SLC5A10: variants seen among roughly 807,000 people sequenced by gnomAD.
SLC5A10 encodes the protein sodium/mannose cotransporter SLC5A10.
In SLC5A10, 55 loss-of-function variants were observed where a neutral mutation model predicts 68.9. That is an observed-to-expected ratio of 0.80 (90% CI 0.64 to 1.00). The LOEUF (loss-of-function observed/expected upper bound fraction) is 1.00. SLC5A10 is among the 50% of genes least tolerant of loss of function. The pLI, the probability that SLC5A10 is intolerant of heterozygous loss-of-function variation, is 0.00. For missense variants in SLC5A10, 732 were observed against 819.3 expected, an observed-to-expected ratio of 0.89 and a Z score of 1.30; for synonymous variants, 344 against 344.8, an observed-to-expected ratio of 1.00 and a Z score of 0.02.
intron 9 of SLC5A10, among the ~76,000 whole-genome samples, chr17:19,002,323 A>G (rs1005164218): frequency 6.6e-6 from 1 of 152,188 alleles, no homozygotes; most frequent in Non-Finnish European, 1.5e-5. Flanking sequence ...AGCTGACCCA[A>G]CTGGTCCCCT....
rs765540472 is a variant in SLC5A10 at position 19,019,729 on chromosome 17, T to C, written c.1427T>C (p.Leu476Pro). The C allele has an allele frequency of 6.2e-7, 1 of 1,611,174 alleles. No individual in the cohort carries two copies. Among genetic ancestry groups the C allele is most frequent in the East Asian group, 2.2e-5 (1 of 44,842 alleles). The change falls in exon 13 of 15, where the codon CTG (leucine) becomes CCG (proline). Residue 476 changes from leucine (L) to proline (P), a missense_variant. Physicochemically the swap from Leu to Pro is moderately conservative, Grantham distance 98. Coordinates refer to ENST00000395645, the MANE Select transcript of SLC5A10 (RefSeq NM_001042450.4). ...RANEQGAFWG[L>P]IAGLVVGATR... ...CCTCCCCAGGGGGCCTTCTGGGGCC[T>C]GATAGCAGGGCTGGTGGTGGGGGCC...
At chr17:19,005,167 G>C (rs553548898) in intron 9 of SLC5A10, among the ~76,000 whole-genome samples, 6 of 152,348 alleles carry the variant, frequency 3.9e-5, no homozygotes, top group Admixed American at 1.3e-4. Flanking sequence ...AGGGTACTGG[G>C]CTGGGAGCCC....
rs2042552249 is a variant in SLC5A10 at position 18,958,678 on chromosome 17, G to T, written c.112-4G>T. ...CAACTCCTGTCCCTTTTCTCCTCTT[G>T]CAGTCCTCTTGTCGGGCCAGTAGGA... On this transcript the variant is annotated splice_polypyrimidine_tract_variant and splice_region_variant and intron_variant, in intron 1 of 14. Coordinates refer to ENST00000395645, the MANE Select transcript of SLC5A10 (RefSeq NM_001042450.4). 6.2e-7 allele frequency: 1 copy of T among 1,614,126 alleles called. No homozygotes were observed. Among genetic ancestry groups the T allele is most frequent in the Admixed American group, 1.7e-5 (1 of 60,022 alleles).
At position 19,004,460 on chromosome 17, in the gene SLC5A10, T is replaced by G. The variant is rs731996; in HGVS notation, c.983-8950T>G. Among the ~76,000 whole-genome samples the G allele has an allele frequency of 0.45, 69,004 of 152,026 alleles. 20,213 individuals carry two copies. The highest frequency in any genetic ancestry group is 0.65 in the Non-Finnish European group (44,423 of 67,918). Reference sequence around the variant, plus strand: ...AGTCCTCGCAACTTCTGAGGGAAACTAGGGCAGCCGGGGAACTTCCCAGTA... The same window carrying G: ...AGTCCTCGCAACTTCTGAGGGAAACGAGGGCAGCCGGGGAACTTCCCAGTA... On this transcript the variant is annotated intron_variant, in intron 9 of 14. Transcript: ENST00000395645. This position sits in a 1 kb window ranked among gnomAD's most constrained non-coding sequence, Gnocchi z 5.4.
chr17:18,964,819 G>A (rs544702557), intron 5 of SLC5A10, among the ~76,000 whole-genome samples: 4 of 152,116 alleles, frequency 2.6e-5, no homozygotes, highest in South Asian at 2.1e-4. Flanking sequence ...TCTGCCGGGC[G>A]GGGGTGCACC....
At chr17:18,992,406 A>T (rs1021478252) in intron 9 of SLC5A10, among the ~76,000 whole-genome samples, 2 of 152,238 alleles carry the variant, frequency 1.3e-5, no homozygotes, top group Non-Finnish European at 2.9e-5. Flanking sequence ...CAGTGACCGG[A>T]GCAGCTTGAG....
chr17:18,971,653 G>A lies in SLC5A10; in HGVS notation c.846+435G>A, dbSNP rs769557463. On this transcript the variant is annotated intron_variant, in intron 8 of 14. Coordinates refer to ENST00000395645, the MANE Select transcript of SLC5A10 (RefSeq NM_001042450.4). The surrounding 1 kb of genome is among the most constrained non-coding windows in gnomAD (Gnocchi z 5.5). ...CAGCGTTTCTGGTAGAGCTCTGGAC[G>A]CTGTCAGCAGCAGAGCGGTACCTAG... The A allele has an allele frequency of 6.2e-7, 1 of 1,613,228 alleles. No individual in the cohort carries two copies. The highest frequency in any genetic ancestry group is 8.5e-7 in the Non-Finnish European group (1 of 1,179,800).
At chr17:18,984,509 C>G (rs2152126071) in intron 9 of SLC5A10, among the ~76,000 whole-genome samples, 1 of 152,354 alleles carries the variant, frequency 6.6e-6, no homozygotes, top group African/African-American at 2.4e-5. Flanking sequence ...CAGCGATCCT[C>G]ACTTCCTCAC....
At chr17:18,991,787 A>C (rs1269042814) in intron 9 of SLC5A10, among the ~76,000 whole-genome samples, 3 of 152,196 alleles carry the variant, frequency 2.0e-5, no homozygotes, top group African/African-American at 7.2e-5. Flanking sequence ...CAAGTGAAGG[A>C]GGGAGCCCAG....
chr17:19,020,122 AC>A (rs2044235091), intron 13 of SLC5A10, 32 bp from the exon 14 acceptor site: 3 of 223,356 alleles, frequency 1.3e-5, no homozygotes, highest in Non-Finnish European at 2.3e-5. Flanking sequence ...GCCATCCCCC[AC>A]CCCCAACCCT....
At chr17:18,974,341 AG>A (rs1192361408) in intron 8 of SLC5A10, among the ~76,000 whole-genome samples, 1 of 152,228 alleles carries the variant, frequency 6.6e-6, no homozygotes, top group Admixed American at 6.5e-5. Flanking sequence ...ATCCATGACA[AG>A]TAGGTGGCAT....
intron 9 of SLC5A10, among the ~76,000 whole-genome samples, chr17:19,005,034 C>A (rs1034208400): frequency 6.6e-6 from 1 of 152,226 alleles, no homozygotes; most frequent in African/African-American, 2.4e-5. Context: ...TTGGCACCCC[C>A]CTGTGCCCCC....
chr17:19,003,877 G>T lies in SLC5A10; in HGVS notation c.983-9533G>T, dbSNP rs759885072. On this transcript the variant is annotated intron_variant, in intron 9 of 14. Transcript: ENST00000395645. This position sits in a 1 kb window ranked among gnomAD's most constrained non-coding sequence, Gnocchi z 4.5. ...GCTCCAGCTCCGAGAGGAAGTCTCG[G>T]ATGTTCTCCCGCTTGAGCACCTCGT... 6.2e-7 allele frequency: 1 copy of T among 1,613,058 alleles called. No homozygotes were observed. The highest frequency in any genetic ancestry group is 1.3e-5 in the African/African-American group (1 of 75,040).
upstream of SLC5A10, among the ~76,000 whole-genome samples, chr17:18,951,357 G>A (rs1409160629): frequency 7.9e-6 from 1 of 126,198 alleles, no homozygotes; most frequent in East Asian, 2.2e-4. Context: ...CTGCGTAATG[G>A]CGGATGGCCA....
chr17:18,969,417 T>C lies in SLC5A10; in HGVS notation c.635T>C (p.Ile212Thr). 6.2e-7 allele frequency: 1 copy of C among 1,613,624 alleles called. No individual in the cohort carries two copies. Among genetic ancestry groups the C allele is most frequent in the Non-Finnish European group, 8.5e-7 (1 of 1,179,882 alleles). The change falls in exon 7 of 15, where the codon ATC (isoleucine) becomes ACC (threonine). Residue 212 changes from isoleucine to threonine, a missense_variant. By Grantham distance (89) the Ile-to-Thr change is moderately conservative (BLOSUM62 -1). Coordinates refer to ENST00000395645, the MANE Select transcript of SLC5A10 (RefSeq NM_001042450.4). The part of the protein sequence containing the change: ...IMVVGAVILT[I>T]KAFDQIGGYG... ...GTGGTGGGGGCTGTCATCCTGACAA[T>C]CAAAGGTGAGGACAGAGTCTGTGGC...
chr17:18,986,743 ACG>A (rs751458385), intron 9 of SLC5A10, among the ~76,000 whole-genome samples: 3 of 152,198 alleles, frequency 2.0e-5, no homozygotes, highest in Non-Finnish European at 2.9e-5. Context: ...TTGCGTCTGC[ACG>A]CTGGGGGAAG....
At chr17:18,981,533 G>C (rs940602808) in intron 9 of SLC5A10, among the ~76,000 whole-genome samples, 1 of 152,092 alleles carries the variant, frequency 6.6e-6, no homozygotes, top group African/African-American at 2.4e-5. Context: ...GAGAGGAGGG[G>C]AGCCTGAGAG....
intron 1 of SLC5A10, among the ~76,000 whole-genome samples, chr17:18,956,958 G>A (rs555228780): frequency 1.2e-3 from 177 of 152,202 alleles, no homozygotes; most frequent in African/African-American, 4.1e-3. Flanking sequence ...AGACCAGCCT[G>A]GCCAACATAG....
chr17:18,970,979 C>T (rs2042826923), intron 7 of SLC5A10, 34 bp from the exon 8 acceptor site: 3 of 1,607,990 alleles, frequency 1.9e-6, no homozygotes, highest in East Asian at 2.2e-5. Context: ...CCCGCAACCA[C>T]CAAACTGTCC....
Sources: gnomAD v4.1 joint callset for allele counts (sites outside exome capture counted in the v4.1 genomes callset) on GRCh38, gnomAD v4.1.1 for gene constraint, Gnocchi (gnomAD v3.1) non-coding constraint, MANE v1.5 for transcripts, NCBI Gene and HGNC (gene_info 2026-07-23, HGNC 2026-07-21) for gene names.